The following CAMTA1 variants were observed in gnomAD, a reference collection of about 807,000 sequenced individuals.
CAMTA1 encodes calmodulin-binding transcription activator 1.
A neutral mutation model predicts 170.9 loss-of-function variants in CAMTA1; 27 were observed. The ratio of observed to expected loss-of-function variants is 0.16; its 90% CI spans 0.12 to 0.22. The LOEUF (loss-of-function observed/expected upper bound fraction) is 0.22. Ranked by LOEUF, CAMTA1 falls within the 10% of genes least tolerant of loss-of-function variation. The pLI is 1.00. For missense variants in CAMTA1, 1,619 were observed against 2,217.2 expected (o/e 0.73, Z 5.42); for synonymous variants, 833 against 891.5 (o/e 0.93, Z 1.17).
intron 6 of CAMTA1, among the ~76,000 whole-genome samples, chr1:7,572,736 G>T (rs1339011047): frequency 6.6e-6 from 1 of 152,182 alleles, no homozygotes; most frequent in Non-Finnish European, 1.5e-5. Flanking sequence ...CATCACCTGG[G>T]GGTTTAGGAT....
At chr1:7,688,235 C>CCTTA (rs895646979) in intron 11 of CAMTA1, among the ~76,000 whole-genome samples, 1 of 152,056 alleles carries the variant, frequency 6.6e-6, no homozygotes, top group African/African-American at 2.4e-5. Context: ...GAACTCCTGA[C>CCTTA]CTTAAGTGAT....
chr1:6,891,684 G>GT (rs937298044), intron 3 of CAMTA1, among the ~76,000 whole-genome samples: 68 of 152,110 alleles, frequency 4.5e-4, no homozygotes, highest in African/African-American at 1.5e-3. Flanking sequence ...AAAACAAAAA[G>GT]TTTTTTATCT....
rs116280499 is a variant in CAMTA1, at chr1:6,879,562, C to T, written c.234+54352C>T. ...TTGGTTCAAGACCTGAACATGTAAC[C>T]TTTGAGTATACAACACAGGTTTAGA... On this transcript the variant is annotated intron_variant, in intron 3 of 22. Transcript: ENST00000303635. Among the ~76,000 whole-genome samples, 1,008 of 151,636 alleles carry T rather than the reference C, an allele frequency of 6.6e-3. 12 individuals carry two copies. The highest frequency in any genetic ancestry group is 0.023 in the African/African-American group (933 of 41,356).
chr1:7,375,014 C>G (rs1385816338), intron 5 of CAMTA1, among the ~76,000 whole-genome samples: 2 of 152,132 alleles, frequency 1.3e-5, no homozygotes, highest in Non-Finnish European at 2.9e-5. Context: ...CCTGGGCTAA[C>G]CTGGTGGATG....
chr1:6,799,512 A>G (rs781662533), intron 1 of CAMTA1, among the ~76,000 whole-genome samples: 2 of 152,140 alleles, frequency 1.3e-5, no homozygotes, highest in Non-Finnish European at 2.9e-5. Flanking sequence ...TTCTTTTACC[A>G]GATGGTATTT....
rs532672739 is a variant in CAMTA1 at position 7,220,493 on chromosome 1, G to A, written c.303-28998G>A. 2.3e-4 allele frequency among the ~76,000 whole-genome samples: 35 copies of A among 152,162 alleles called. No individual in the cohort carries two copies. The East Asian group carries it at 3.5e-3, about 15-fold the overall frequency. ...GGGTGGATACCCCATTCCCGGGAGCGTTCAGATCCCTGAAGACAGCTTCTG... is the reference window on the plus strand; with the variant it reads ...GGGTGGATACCCCATTCCCGGGAGCATTCAGATCCCTGAAGACAGCTTCTG... On this transcript the variant is annotated intron_variant, in intron 4 of 22. Coordinates refer to ENST00000303635, the MANE Select transcript of CAMTA1 (RefSeq NM_015215.4).
At chr1:7,705,170 G>C (rs546937652) in intron 11 of CAMTA1, among the ~76,000 whole-genome samples, 230 of 151,778 alleles carry the variant, frequency 1.5e-3, no homozygotes, top group African/African-American at 5.4e-3. Flanking sequence ...GATCCGGCGG[G>C]CCCGGTGTGA....
intron 11 of CAMTA1, among the ~76,000 whole-genome samples, chr1:7,717,170 C>T (rs920547280): frequency 2.6e-5 from 4 of 152,006 alleles, no homozygotes; most frequent in African/African-American, 9.7e-5. Flanking sequence ...TACAGTTAGA[C>T]AGGAGGAATC....
At chr1:7,143,527 C>T (rs1248722967) in intron 4 of CAMTA1, among the ~76,000 whole-genome samples, 1 of 152,188 alleles carries the variant, frequency 6.6e-6, no homozygotes, top group African/African-American at 2.4e-5. Flanking sequence ...TCAGATTATT[C>T]TTTCGGGCAG....
chr1:6,830,348 T>G (rs1649353061), intron 3 of CAMTA1, among the ~76,000 whole-genome samples: 1 of 144,300 alleles, frequency 6.9e-6, no homozygotes, highest in African/African-American at 2.6e-5. Flanking sequence ...CTGGCCTTGT[T>G]TTTTTTTTTT....
rs745975899 is a variant in CAMTA1, at chr1:7,251,203, G to A, written c.438+1577G>A. ...ACTTCTGCTCGTGAGTAACAGCCGG[G>A]TGGAATTCTTCCTCAGCAGCAGCTG... On this transcript the variant is annotated intron_variant, in intron 5 of 22. Coordinates refer to ENST00000303635, the MANE Select transcript of CAMTA1 (RefSeq NM_015215.4). This position sits in a 1 kb window ranked among gnomAD's most constrained non-coding sequence, Gnocchi z 5.1. Among the ~76,000 whole-genome samples, 34 of 152,188 alleles carry A rather than the reference G, an allele frequency of 2.2e-4. 1 individual carries two copies. The highest frequency in any genetic ancestry group is 3.9e-4 in the Admixed American group (6 of 15,278).
In CAMTA1 at chr1:6,875,263, C is replaced by T. The variant is rs150589561; in HGVS notation, c.234+50053C>T. 4.1e-3 allele frequency among the ~76,000 whole-genome samples: 623 copies of T among 152,204 alleles called. 5 individuals are homozygous for T. The highest frequency in any genetic ancestry group is 0.013 in the African/African-American group (545 of 41,514). Reference sequence around the variant, plus strand: ...TTTAGTTGTAGGGACCTCAGCTGTACGCATTATCATCCTTCAGCCATCAGA... The same window carrying T: ...TTTAGTTGTAGGGACCTCAGCTGTATGCATTATCATCCTTCAGCCATCAGA... On this transcript the variant is annotated intron_variant, in intron 3 of 22. Coordinates refer to ENST00000303635, the MANE Select transcript of CAMTA1 (RefSeq NM_015215.4).
rs1292090734 is a variant in CAMTA1 at position 7,685,705 on chromosome 1, C to T, written c.2914+7972C>T. Among the ~76,000 whole-genome samples the T allele has an allele frequency of 6.6e-6, 1 of 152,222 alleles. No homozygotes were observed. Among genetic ancestry groups the T allele is most frequent in the East Asian group, 1.9e-4 (1 of 5,202 alleles). On this transcript the variant is annotated intron_variant, in intron 11 of 22. Coordinates refer to ENST00000303635, the MANE Select transcript of CAMTA1 (RefSeq NM_015215.4). This position sits in a 1 kb window ranked among gnomAD's most constrained non-coding sequence, Gnocchi z 5.7. ...TCTTCCCAGCCAGGGCTCGCTCTCC[C>T]ACCTACTAGGGTGCAGGGATGGCTG...
intron 5 of CAMTA1, among the ~76,000 whole-genome samples, chr1:7,269,057 G>A (rs969614611): frequency 2.0e-5 from 3 of 152,196 alleles, no homozygotes. Flanking sequence ...AAATGTATCA[G>A]CTTAAAACAA....
chr1:6,853,771 T>G (rs541796187), intron 3 of CAMTA1, among the ~76,000 whole-genome samples: 9 of 152,298 alleles, frequency 5.9e-5, no homozygotes, highest in South Asian at 4.1e-4. Context: ...TGTACCTTTA[T>G]TAACAAAGTG....
chr1:7,236,603 C>T (rs1424999257), intron 4 of CAMTA1, among the ~76,000 whole-genome samples: 2 of 152,190 alleles, frequency 1.3e-5, no homozygotes, highest in East Asian at 1.9e-4. Context: ...TGCCCTAAGC[C>T]TTCTCACCCT....
chr1:7,669,186 C>T (rs1406124426), intron 9 of CAMTA1, among the ~76,000 whole-genome samples: 1 of 152,256 alleles, frequency 6.6e-6, no homozygotes, highest in Non-Finnish European at 1.5e-5. Flanking sequence ...CCTGAGCTCT[C>T]TCTGCTGCCG....
chr1:7,069,821 C>T (rs1226444266), intron 3 of CAMTA1, among the ~76,000 whole-genome samples: 1 of 152,200 alleles, frequency 6.6e-6, no homozygotes, highest in Non-Finnish European at 1.5e-5. Flanking sequence ...CTGGGCCTAA[C>T]TTGGGAAAAT....
At chr1:7,000,786 A>G (rs974906054) in intron 3 of CAMTA1, among the ~76,000 whole-genome samples, 1 of 151,506 alleles carries the variant, frequency 6.6e-6, no homozygotes, top group Non-Finnish European at 1.5e-5. Context: ...GTGACTTCTA[A>G]TGGGCACCTT....
Sources: allele counts gnomAD v4.1 joint callset (sites outside exome capture counted in the v4.1 genomes callset), GRCh38; gene constraint gnomAD v4.1.1; non-coding constraint Gnocchi (gnomAD v3.1); transcripts MANE v1.5; gene names NCBI Gene and HGNC (gene_info 2026-07-23, HGNC 2026-07-21).